Variants in CCDC125 observed in about 807,000 individuals in gnomAD.
CCDC125 encodes coiled-coil domain containing 125.
A neutral mutation model predicts 57.4 loss-of-function variants in CCDC125; 43 were observed. The observed-to-expected ratio is 0.75, with a 90% CI of 0.59 to 0.97. CCDC125 has a LOEUF of 0.97. Among genes scored for constraint, CCDC125 ranks in the 50% least tolerant of loss-of-function variants. The pLI, the probability that CCDC125 is intolerant of heterozygous loss-of-function variation, is 0.00. For synonymous variants in CCDC125, 187 were observed against 195.2 expected (o/e 0.96, Z 0.35); for missense variants, 563 against 595.7 (o/e 0.95, Z 0.57).
chr5:69,285,561 AGT>A, intron 10 of CCDC125, 94 bp from the exon 11 acceptor site: 1 of 1,276,742 alleles, frequency 7.8e-7, no homozygotes, highest in Non-Finnish European at 1.1e-6. Flanking sequence ...AGGACAAGTG[AGT>A]CCAGGAGCAC....
At chr5:69,273,104 A>G in the CCDC125 span, 2 of 1,138,330 alleles carry the variant, frequency 1.8e-6, no homozygotes, top group Non-Finnish European at 2.4e-6. Context: ...TAGCATTGAT[A>G]AAAATAGAAT....
chr5:69,293,710 T>G (rs1754876034), intron 9 of CCDC125, among the ~76,000 whole-genome samples: 1 of 152,076 alleles, frequency 6.6e-6, no homozygotes, highest in Admixed American at 6.5e-5. Flanking sequence ...TATTTTATTC[T>G]ATTTTAAGTT....
rs779962479 is a variant in CCDC125 at position 69,311,239 on chromosome 5, C to A, written c.367-35G>T. 8.8e-6 allele frequency: 11 copies of A among 1,250,978 alleles called. No individual in the cohort carries two copies. In the African/African-American group the frequency reaches 1.3e-4, roughly 15 times the overall value. The allele number at this position is 1,250,978 out of a possible 1,614,324, so 77.5% of individuals were successfully genotyped here. Reference sequence around the variant, plus strand: ...GAAAGAAAATTAGTCTTCCTATCTGCAAGATATGCAACCCTAAAATTATCA... The same window carrying A: ...GAAAGAAAATTAGTCTTCCTATCTGAAAGATATGCAACCCTAAAATTATCA... On this transcript the variant is annotated intron_variant, in intron 3 of 11. Transcript: ENST00000396496.
intron 9 of CCDC125, among the ~76,000 whole-genome samples, chr5:69,293,002 G>C (rs968798312): frequency 1.3e-5 from 2 of 151,630 alleles, no homozygotes; most frequent in African/African-American, 4.8e-5. Context: ...TGCCACGCCT[G>C]GCTAATTTTT....
At chr5:69,327,369 C>T (rs1760876845) in intron 1 of CCDC125, among the ~76,000 whole-genome samples, 1 of 152,130 alleles carries the variant, frequency 6.6e-6, no homozygotes, top group African/African-American at 2.4e-5. Flanking sequence ...GCTGGGATTA[C>T]AGGCATGAGC....
At chr5:69,274,488 A>G in the CCDC125 span, among the ~76,000 whole-genome samples, 1 of 152,198 alleles carries the variant, frequency 6.6e-6, no homozygotes, top group Non-Finnish European at 1.5e-5. Flanking sequence ...TAAATAAATA[A>G]AAAATGAAAA....
intron 1 of CCDC125, among the ~76,000 whole-genome samples, chr5:69,327,538 TGATGAC>T (rs1188431951): frequency 2.6e-5 from 4 of 152,226 alleles, no homozygotes; most frequent in Non-Finnish European, 5.9e-5. Flanking sequence ...TATTCAGGGT[TGATGAC>T]CAGGGAAGCA....
rs1755059335 is a variant in CCDC125, at chr5:69,294,852, A to G, written c.865T>C (p.Cys289Arg). The G allele has an allele frequency of 2.5e-6, 4 of 1,614,104 alleles. No homozygotes were observed. In the African/African-American group the frequency reaches 4.0e-5, roughly 16 times the overall value. ...CLCHGPGGNP[C>R]SCARMAASTR... Reference sequence around the variant, plus strand: ...GATGCTGCCATTCTGGCACAAGAACAGGGGTTCCCTCCGGGCCCATGACAA... The same window carrying G: ...GATGCTGCCATTCTGGCACAAGAACGGGGGTTCCCTCCGGGCCCATGACAA... Residue 289 changes from cysteine to arginine, a missense_variant, in exon 9 of 12, where the codon TGT (cysteine) becomes CGT (arginine). Physicochemically the swap from Cys to Arg is radical, Grantham distance 180. Transcript: ENST00000396496.
chr5:69,307,736 C>A, intron 5 of CCDC125: 1 of 516,500 alleles, frequency 1.9e-6, no homozygotes, highest in Non-Finnish European at 3.4e-6. Flanking sequence ...AGGCCTCCTA[C>A]TACCTTAACA....
chr5:69,283,479 C>G (rs1752781336), intron 11 of CCDC125, among the ~76,000 whole-genome samples: 1 of 151,898 alleles, frequency 6.6e-6, no homozygotes, highest in Non-Finnish European at 1.5e-5. Flanking sequence ...CTTGGCCTCC[C>G]AAAGTGCTGG....
downstream of CCDC125, chr5:69,277,096 T>C (rs1752234680): frequency 6.3e-7 from 1 of 1,588,770 alleles, no homozygotes; most frequent in Non-Finnish European, 8.6e-7. Context: ...CTTGTTCTTT[T>C]TGCTTCCTAG....
At position 69,298,315 on chromosome 5, in the gene CCDC125, CT is replaced by C. The variant is rs1755767907; in HGVS notation, c.816+1696del. ...AGGCGTGAGCCACCGCGCCCGGCCC[CT>C]GTTGCTGTACTTTCACATGGATGAG... On this transcript the variant is annotated intron_variant, in intron 8 of 11. Coordinates refer to ENST00000396496, the MANE Select transcript of CCDC125 (RefSeq NM_176816.5). Among the ~76,000 whole-genome samples the C allele has an allele frequency of 3.9e-5, 6 of 152,200 alleles. No individual in the cohort carries two copies. In the South Asian group the frequency reaches 1.0e-3, roughly 26 times the overall value.
the CCDC125 span, among the ~76,000 whole-genome samples, chr5:69,273,442 T>A: frequency 1.3e-5 from 2 of 152,330 alleles, no homozygotes; most frequent in South Asian, 4.1e-4. Flanking sequence ...GTTCGGCTTA[T>A]TTTTTCTTTC....
chr5:69,287,316 T>G (rs1050700460), intron 10 of CCDC125, among the ~76,000 whole-genome samples: 1 of 149,478 alleles, frequency 6.7e-6, no homozygotes, highest in Non-Finnish European at 1.5e-5. Flanking sequence ...CAGGCTGGAG[T>G]GCAACAGCGC....
At chr5:69,309,103 A>G (rs752393056) in intron 4 of CCDC125, 1 of 152,252 alleles carries the variant, frequency 6.6e-6, no homozygotes, top group Non-Finnish European at 1.5e-5. Flanking sequence ...GAAGCACAGC[A>G]TAAAAGTTCA....
At chr5:69,306,995 TC>T (rs1757422403) in intron 5 of CCDC125, 93 bp from the exon 6 acceptor site, 2 of 1,292,856 alleles carry the variant, frequency 1.5e-6, no homozygotes. Flanking sequence ...TATAATCAGT[TC>T]TCAGAAATGG....
intron 2 of CCDC125, among the ~76,000 whole-genome samples, chr5:69,318,449 A>T (rs1192855442): frequency 6.6e-6 from 1 of 151,382 alleles, no homozygotes; most frequent in Non-Finnish European, 1.5e-5. Context: ...GTCTCTTTTT[A>T]AAAAAGAAAA....
At chr5:69,299,880 G>T in intron 8 of CCDC125, 132 bp downstream of exon 8, 1 of 724,416 alleles carries the variant, frequency 1.4e-6, no homozygotes, top group Non-Finnish European at 2.4e-6. Context: ...CCTGGGCCCA[G>T]GGGCGTCTCT....
intron 1 of CCDC125, among the ~76,000 whole-genome samples, chr5:69,325,635 C>A (rs1760635383): frequency 6.6e-6 from 1 of 150,436 alleles, no homozygotes; most frequent in Non-Finnish European, 1.5e-5. Flanking sequence ...ACCAGCCTGG[C>A]CAACATGGTG....
Sources: gnomAD v4.1 joint callset for allele counts (sites outside exome capture counted in the v4.1 genomes callset) on GRCh38, gnomAD v4.1.1 for gene constraint, MANE v1.5 for transcripts, NCBI Gene and HGNC (gene_info 2026-07-23, HGNC 2026-07-21) for gene names.